GPHN: variants seen among roughly 807,000 people sequenced by gnomAD.
GPHN encodes gephyrin.
GPHN carries 17 observed loss-of-function variants against 95.5 expected under a neutral mutation model. The observed-to-expected ratio is 0.18, with a 90% CI of 0.12 to 0.27. GPHN has a LOEUF of 0.27. Among genes scored for constraint, GPHN ranks in the 10% least tolerant of loss-of-function variants. The probability of loss-of-function intolerance (pLI) is 1.00; values close to 1 mark genes in which losing one functional copy is unlikely to be tolerated. For missense variants in GPHN, 660 were observed against 978.1 expected (o/e 0.67, Z 4.34); for synonymous variants, 320 against 322.5 (o/e 0.99, Z 0.08).
At chr14:67,288,477 A>G in the GPHN span, among the ~76,000 whole-genome samples, 1 of 152,148 alleles carries the variant, frequency 6.6e-6, no homozygotes, top group Non-Finnish European at 1.5e-5. Flanking sequence ...AGATTTCTTG[A>G]CGCCAGGAGT....
intron 1 of GPHN, among the ~76,000 whole-genome samples, chr14:66,536,274 A>G (rs2059139969): frequency 6.6e-6 from 1 of 152,176 alleles, no homozygotes; most frequent in Non-Finnish European, 1.5e-5. Context: ...AATCATGAAT[A>G]GGTGGTAAAC....
chr14:67,404,059 T>C, the GPHN span, among the ~76,000 whole-genome samples: 2 of 151,146 alleles, frequency 1.3e-5, no homozygotes, highest in Non-Finnish European at 3.0e-5. Flanking sequence ...AAAAAAATTT[T>C]TGAAAGAAAA....
chr14:67,121,842 T>G (rs2079025865), intron 16 of GPHN, among the ~76,000 whole-genome samples: 1 of 152,200 alleles, frequency 6.6e-6, no homozygotes, highest in African/African-American at 2.4e-5. Flanking sequence ...AGATAAACTA[T>G]TATTCTGTTC....
chr14:67,476,880 C>T, the GPHN span, among the ~76,000 whole-genome samples: 2 of 152,110 alleles, frequency 1.3e-5, no homozygotes, highest in Non-Finnish European at 2.9e-5. Context: ...AATCCCAGCA[C>T]TTTGGGAGGC....
intron 9 of GPHN, among the ~76,000 whole-genome samples, chr14:67,019,676 G>T (rs2073499297): frequency 6.6e-6 from 1 of 152,138 alleles, no homozygotes; most frequent in South Asian, 2.1e-4. Context: ...GGGAAAGGAT[G>T]TTATTCACAC....
chr14:67,351,248 T>G, the GPHN span, among the ~76,000 whole-genome samples: 2 of 152,152 alleles, frequency 1.3e-5, no homozygotes, highest in Non-Finnish European at 2.9e-5. Flanking sequence ...CAGGTCTATA[T>G]GGAAATTTAG....
chr14:67,596,159 T>G, the GPHN span, among the ~76,000 whole-genome samples: 1 of 152,128 alleles, frequency 6.6e-6, no homozygotes, highest in African/African-American at 2.4e-5. Flanking sequence ...AGACAGAATT[T>G]CACTCGTTTC....
At chr14:66,632,489 C>CTTTTTTTT (rs60856342) in intron 1 of GPHN, among the ~76,000 whole-genome samples, 2 of 122,014 alleles carry the variant, frequency 1.6e-5, no homozygotes, top group African/African-American at 2.7e-5. Context: ...ACAATACATT[C>CTTTTTTTT]TTTTTTTTTT....
chr14:67,166,072 C>A (rs1266654291), intron 20 of GPHN, among the ~76,000 whole-genome samples: 2 of 151,810 alleles, frequency 1.3e-5, no homozygotes, highest in Non-Finnish European at 2.9e-5. Context: ...GCTTTTGGAT[C>A]TTTGTTTGTT....
chr14:67,193,413 ATATC>A, the GPHN span, among the ~76,000 whole-genome samples: 375 of 141,446 alleles, frequency 2.7e-3, no homozygotes, highest in African/African-American at 9.0e-3. Context: ...ATATATCTAT[ATATC>A]TATATTTATA....
chr14:67,574,563 C>T, the GPHN span, among the ~76,000 whole-genome samples: 1 of 152,230 alleles, frequency 6.6e-6, no homozygotes, highest in African/African-American at 2.4e-5. This position sits in a 1 kb window ranked among gnomAD's most constrained non-coding sequence, Gnocchi z 4.2. Flanking sequence ...CGTGGTCTGG[C>T]CACACAAGGT....
chr14:66,939,061 C>T (rs1185346807), intron 8 of GPHN, among the ~76,000 whole-genome samples: 1 of 152,106 alleles, frequency 6.6e-6, no homozygotes, highest in Non-Finnish European at 1.5e-5. Flanking sequence ...GATCAGAGAC[C>T]TAAAGCTAAG....
the GPHN span, among the ~76,000 whole-genome samples, chr14:67,403,722 A>G: frequency 6.6e-6 from 1 of 152,238 alleles, no homozygotes; most frequent in Non-Finnish European, 1.5e-5. Context: ...CTTTGACCCA[A>G]TAATACCACT....
chr14:67,223,323 A>G, the GPHN span, among the ~76,000 whole-genome samples: 2 of 152,228 alleles, frequency 1.3e-5, no homozygotes, highest in Admixed American at 1.3e-4. Context: ...AGTGTCTAAA[A>G]ATATGAGATG....
At chr14:66,892,065 C>A (rs2153541235) in intron 5 of GPHN, among the ~76,000 whole-genome samples, 1 of 152,254 alleles carries the variant, frequency 6.6e-6, no homozygotes, top group African/African-American at 2.4e-5. Context: ...GGCATATCCT[C>A]AAGAAATTAA....
the GPHN span, among the ~76,000 whole-genome samples, chr14:67,511,254 G>A: frequency 6.6e-6 from 1 of 152,236 alleles, no homozygotes; most frequent in Admixed American, 6.5e-5. Flanking sequence ...AGGGGCTTTT[G>A]GAAAGCAAAG....
intron 2 of GPHN, among the ~76,000 whole-genome samples, chr14:66,752,127 G>A (rs990588168): frequency 6.6e-6 from 1 of 151,980 alleles, no homozygotes. Flanking sequence ...TCATAGAATC[G>A]AAGAGAATTA....
At chr14:66,615,503 C>T (rs186475347) in intron 1 of GPHN, among the ~76,000 whole-genome samples, 1 of 146,476 alleles carries the variant, frequency 6.8e-6, no homozygotes, top group East Asian at 2.0e-4. Flanking sequence ...TGTTTGTTGG[C>T]CATGTAAATG....
chr14:67,724,057 C>T, the GPHN span, among the ~76,000 whole-genome samples: 1 of 152,256 alleles, frequency 6.6e-6, no homozygotes, highest in Non-Finnish European at 1.5e-5. Context: ...TCATCAGTTA[C>T]TCATGATGAT....
Sources: gnomAD v4.1 joint callset for allele counts (sites outside exome capture counted in the v4.1 genomes callset) on GRCh38, gnomAD v4.1.1 for gene constraint, Gnocchi (gnomAD v3.1) non-coding constraint, MANE v1.5 for transcripts, NCBI Gene and HGNC (gene_info 2026-07-23, HGNC 2026-07-21) for gene names.